Variants in PICALM observed in about 807,000 individuals in gnomAD.
The protein encoded by PICALM is phosphatidylinositol-binding clathrin assembly protein.
PICALM carries 40 observed loss-of-function variants against 80.5 expected under a neutral mutation model. That is an observed-to-expected ratio of 0.50 (90% CI 0.39 to 0.65). The LOEUF (loss-of-function observed/expected upper bound fraction) is 0.65. PICALM is among the 30% of genes least tolerant of loss of function. The pLI, the probability that PICALM is intolerant of heterozygous loss-of-function variation, is 0.00. For missense variants in PICALM, 676 were observed against 778.9 expected, an observed-to-expected ratio of 0.87 and a Z score of 1.57; for synonymous variants, 288 against 260.3, an observed-to-expected ratio of 1.11 and a Z score of -1.02.
At chr11:85,964,130 A>T (rs576072897) in intron 19 of PICALM, among the ~76,000 whole-genome samples, 13 of 152,142 alleles carry the variant, frequency 8.5e-5, no homozygotes, top group Non-Finnish European at 1.8e-4. Context: ...AGAACAAGAA[A>T]ACATCAACAA....
chr11:86,057,278 C>A (rs952006816), intron 1 of PICALM, among the ~76,000 whole-genome samples: 5 of 152,266 alleles, frequency 3.3e-5, no homozygotes, highest in Non-Finnish European at 2.9e-5. Flanking sequence ...GTGGCTCACG[C>A]CTGCAATCCC....
chr11:85,965,209 A>T (rs1358496248), intron 19 of PICALM, among the ~76,000 whole-genome samples: 1 of 152,090 alleles, frequency 6.6e-6, no homozygotes, highest in Non-Finnish European at 1.5e-5. Flanking sequence ...GCCGTGTGAT[A>T]CCTTCCACCA....
chr11:85,971,343 G>GT (rs1165061117), intron 19 of PICALM, among the ~76,000 whole-genome samples: 2 of 151,610 alleles, frequency 1.3e-5, no homozygotes, highest in African/African-American at 2.4e-5. Context: ...TTCTGTCCCT[G>GT]TTTTTTTTCA....
At chr11:86,037,895 A>C (rs1372726410) in intron 1 of PICALM, among the ~76,000 whole-genome samples, 1 of 152,230 alleles carries the variant, frequency 6.6e-6, no homozygotes, top group African/African-American at 2.4e-5. Context: ...CTCATGTCAC[A>C]TAGCACACAC....
At chr11:86,010,714 A>G (rs2136270843) in intron 7 of PICALM, among the ~76,000 whole-genome samples, 1 of 152,322 alleles carries the variant, frequency 6.6e-6, no homozygotes, top group East Asian at 1.9e-4. Flanking sequence ...AACAATAAAC[A>G]TTCTCAAATA....
intron 4 of PICALM, among the ~76,000 whole-genome samples, chr11:86,020,880 C>A (rs1020806466): frequency 6.6e-6 from 1 of 152,078 alleles, no homozygotes; most frequent in Non-Finnish European, 1.5e-5. Context: ...AAAAAAGATA[C>A]ACTTAATTAA....
intron 5 of PICALM, 23 bp downstream of exon 5, chr11:86,014,847 T>C: frequency 7.4e-7 from 1 of 1,359,890 alleles, no homozygotes; most frequent in Admixed American, 2.3e-5. Flanking sequence ...TTTAAAATCT[T>C]AAATTACAAA....
chr11:85,982,014 C>CA lies in PICALM; in HGVS notation c.1517-12dup. 1 of 1,611,982 alleles carries CA rather than the reference C, an allele frequency of 6.2e-7. No individual in the cohort carries two copies. Among genetic ancestry groups the CA allele is most frequent in the African/African-American group, 1.3e-5 (1 of 74,996 alleles). ...CTAGTTCATCAAAGCCTTAAAGTTA[C>CA]AAACAGACGAAATAGAATTTGTAAG... On this transcript the variant is annotated splice_polypyrimidine_tract_variant and intron_variant, in intron 14 of 19. Transcript: ENST00000393346.
intron 2 of PICALM, among the ~76,000 whole-genome samples, chr11:86,029,931 G>A (rs1247532705): frequency 6.6e-6 from 1 of 152,134 alleles, no homozygotes; most frequent in Non-Finnish European, 1.5e-5. Context: ...AAATGGTCAT[G>A]TCTGTTGACT....
chr11:86,068,212 T>G (rs1047879848), intron 1 of PICALM, among the ~76,000 whole-genome samples: 2 of 151,746 alleles, frequency 1.3e-5, no homozygotes, highest in African/African-American at 4.8e-5. Flanking sequence ...GAACCAGGCG[T>G]TTACTGAAAC....
At chr11:85,972,626 T>G (rs1164735718) in intron 19 of PICALM, among the ~76,000 whole-genome samples, 3 of 152,210 alleles carry the variant, frequency 2.0e-5, no homozygotes, top group Admixed American at 6.5e-5. Flanking sequence ...GTGAAGGGTT[T>G]AACTACATAT....
At chr11:85,990,212 A>C (rs556185771) in intron 13 of PICALM, 38 bp downstream of exon 13, 33 of 1,314,090 alleles carry the variant, frequency 2.5e-5, no homozygotes, top group Admixed American at 5.5e-5. Flanking sequence ...TAGGCAGTAT[A>C]AACATTGATT....
intron 19 of PICALM, among the ~76,000 whole-genome samples, chr11:85,972,240 T>C (rs1340769289): frequency 1.3e-5 from 2 of 152,258 alleles, no homozygotes; most frequent in African/African-American, 4.8e-5. Flanking sequence ...ATCCTGAATG[T>C]GTAAATGTGG....
chr11:86,061,097 A>G (rs1186269564), intron 1 of PICALM, among the ~76,000 whole-genome samples: 1 of 152,088 alleles, frequency 6.6e-6, no homozygotes. Flanking sequence ...GGGAGGCTGA[A>G]GCAGGCGGAT....
intron 9 of PICALM, among the ~76,000 whole-genome samples, chr11:86,002,870 G>A (rs993394923): frequency 6.6e-6 from 1 of 151,994 alleles, no homozygotes; most frequent in South Asian, 2.1e-4. Context: ...AAAATTAGCC[G>A]GCCGTGGTGG....
intron 1 of PICALM, among the ~76,000 whole-genome samples, chr11:86,032,699 T>A (rs1186921150): frequency 1.3e-5 from 2 of 152,146 alleles, no homozygotes; most frequent in Non-Finnish European, 2.9e-5. Context: ...GAGTTACTTT[T>A]AAAATATATA....
intron 1 of PICALM, among the ~76,000 whole-genome samples, chr11:86,038,552 G>A (rs1333389276): frequency 2.0e-5 from 3 of 151,474 alleles, no homozygotes; most frequent in Non-Finnish European, 4.4e-5. Flanking sequence ...GGAGACCGAG[G>A]CGGGTGGATC....
chr11:86,012,731 T>C (rs186789388), intron 5 of PICALM, among the ~76,000 whole-genome samples: 13 of 152,140 alleles, frequency 8.5e-5, no homozygotes, highest in African/African-American at 2.6e-4. Context: ...TAACTCGTTA[T>C]ATATAGAAAA....
At chr11:86,018,999 T>C (rs1023306508) in intron 4 of PICALM, among the ~76,000 whole-genome samples, 6 of 152,224 alleles carry the variant, frequency 3.9e-5, no homozygotes, top group African/African-American at 1.4e-4. Context: ...ATCCAATTTT[T>C]ATGTAATTTT....
Sources: gnomAD v4.1 joint callset for allele counts (sites outside exome capture counted in the v4.1 genomes callset) on GRCh38, gnomAD v4.1.1 for gene constraint, MANE v1.5 for transcripts, NCBI Gene and HGNC (gene_info 2026-07-23, HGNC 2026-07-21) for gene names.